The following MED15 variants were observed in gnomAD, a reference collection of about 807,000 sequenced individuals.
MED15 encodes the protein mediator complex subunit 15.
MED15 carries 41 observed loss-of-function variants against 118.7 expected under a neutral mutation model. That is an observed-to-expected ratio of 0.35 (90% confidence interval 0.27 to 0.45). MED15 has a LOEUF of 0.45. Ranked by LOEUF, MED15 falls within the 20% of genes least tolerant of loss-of-function variation. The pLI is 1.00. For synonymous variants in MED15, 436 were observed against 413.9 expected (o/e 1.05, Z -0.65); for missense variants, 740 against 1,025.5 (o/e 0.72, Z 3.80).
At chr22:20,559,416 G>A (rs2056142489) in intron 5 of MED15, among the ~76,000 whole-genome samples, 1 of 152,010 alleles carries the variant, frequency 6.6e-6, no homozygotes, top group Admixed American at 6.6e-5. Flanking sequence ...TGAAAGCAAG[G>A]GTAAGAAATG....
chr22:20,553,027 A>G (rs554960827), intron 3 of MED15, 118 bp from the exon 4 acceptor site: 9 of 802,730 alleles, frequency 1.1e-5, no homozygotes, highest in Non-Finnish European at 1.8e-5. Flanking sequence ...GGGGAGTACT[A>G]GGAGCTCCGT....
chr22:20,533,169 C>T (rs748676926), intron 1 of MED15, among the ~76,000 whole-genome samples: 3 of 152,220 alleles, frequency 2.0e-5, no homozygotes, highest in Non-Finnish European at 4.4e-5. Flanking sequence ...CCTGCAGCCT[C>T]CCGCAGCGGG....
intron 5 of MED15, among the ~76,000 whole-genome samples, chr22:20,563,932 G>A (rs2056335108): frequency 6.6e-6 from 1 of 152,164 alleles, no homozygotes; most frequent in Non-Finnish European, 1.5e-5. Flanking sequence ...GTTCATATAA[G>A]CAGTTTTCAT....
intron 5 of MED15, among the ~76,000 whole-genome samples, chr22:20,555,501 A>C (rs932909750): frequency 2.6e-5 from 4 of 152,210 alleles, no homozygotes; most frequent in African/African-American, 7.2e-5. Context: ...CCACAACTCC[A>C]CTGTCTGCCC....
At chr22:20,508,260 A>G in intron 1 of MED15, 1 of 1,294,578 alleles carries the variant, frequency 7.7e-7, no homozygotes, top group Non-Finnish European at 1.0e-6. Flanking sequence ...AGGAATGTGG[A>G]CTTTGCCGAA....
chr22:20,515,617 C>G (rs373135258), intron 1 of MED15, among the ~76,000 whole-genome samples: 5 of 151,886 alleles, frequency 3.3e-5, no homozygotes, highest in Non-Finnish European at 5.9e-5. Flanking sequence ...TGGTGAAACC[C>G]CATTTCTACT....
chr22:20,583,321 C>T lies in MED15; in HGVS notation c.1673-9C>T, dbSNP rs770177849. 6.8e-6 allele frequency: 11 copies of T among 1,613,300 alleles called. No homozygotes were observed. In the East Asian group the frequency reaches 2.0e-4, roughly 29 times the overall value. ...CTTGTGTCTTAGTGTGTACCCTCTT[C>T]TGTCCCAGACAGAAAAAAGGACCTG... On this transcript the variant is annotated splice_polypyrimidine_tract_variant and intron_variant, in intron 12 of 17. Coordinates refer to ENST00000263205, the MANE Select transcript of MED15 (RefSeq NM_001003891.3).
intron 14 of MED15, 77 bp from the exon 15 acceptor site, chr22:20,584,778 G>A (rs2057084820): frequency 1.9e-6 from 3 of 1,545,888 alleles, no homozygotes; most frequent in East Asian, 4.5e-5. Flanking sequence ...GAGTGACCAT[G>A]GGCCTGGGGT....
chr22:20,540,103 G>T (rs954754605), intron 2 of MED15, among the ~76,000 whole-genome samples: 3 of 152,036 alleles, frequency 2.0e-5, no homozygotes, highest in Non-Finnish European at 4.4e-5. Context: ...GATGCAGGGG[G>T]TGTTAGTGAT....
In MED15 at chr22:20,537,165, G is replaced by A. The variant is rs1569192220; in HGVS notation, c.117G>A (p.Lys39=). The A allele has an allele frequency of 1.6e-5, 26 of 1,614,000 alleles. No homozygotes were observed. Among genetic ancestry groups the A allele is most frequent in the Non-Finnish European group, 2.0e-5 (24 of 1,179,906 alleles). Residue 39 remains lysine, a synonymous_variant, in exon 2 of 18, where the codon AAG becomes AAA. Coordinates refer to ENST00000263205, the MANE Select transcript of MED15 (RefSeq NM_001003891.3). Reference sequence around the variant, plus strand: ...GTGTGGCACACAGTAAATCCAGCAAGGATATGGAGAGCCATGTTTTCCTGA... The same window carrying A: ...GTGTGGCACACAGTAAATCCAGCAAAGATATGGAGAGCCATGTTTTCCTGA... ...KAGVAHSKSS[K]DMESHVFLKA... is the part of the protein sequence containing the mutation.
chr22:20,582,643 G>GCCGTCA lies in MED15; in HGVS notation c.1309_1314dup (p.Ser437_Pro438dup), dbSNP rs1569250465. 1.3e-6 allele frequency: 2 copies of GCCGTCA among 1,580,982 alleles called. No homozygotes were observed. The highest frequency in any genetic ancestry group is 1.3e-5 in the African/African-American group (1 of 74,430). ...AGAGCAGCCTCCCCATGCTGTCCTC[G>GCCGTCA]CCGTCACCGGGCCAGCAGGTGCAGA... is the stretch of plus-strand genomic sequence containing the variant. On this transcript the variant is annotated inframe_insertion, in exon 10 of 18. Transcript: ENST00000263205.
intron 4 of MED15, among the ~76,000 whole-genome samples, chr22:20,553,909 C>T (rs1263510672): frequency 5.3e-5 from 8 of 152,186 alleles, no homozygotes; most frequent in Non-Finnish European, 1.5e-5. Context: ...TAAATTTCAG[C>T]GTTTATCACA....
chr22:20,569,945 A>G (rs2056585630), intron 8 of MED15, among the ~76,000 whole-genome samples: 1 of 152,218 alleles, frequency 6.6e-6, no homozygotes, highest in Admixed American at 6.5e-5. Context: ...GTGGTGGCAC[A>G]TAGTGACTGC....
intron 9 of MED15, 117 bp downstream of exon 9, chr22:20,575,349 A>T: frequency 7.7e-7 from 1 of 1,306,208 alleles, no homozygotes; most frequent in Non-Finnish European, 1.0e-6. Flanking sequence ...TGGCTTTCAG[A>T]GTGCCAAACC....
chr22:20,570,738 CTTTCTTTCTTTTTTTTTTT>C (rs2056623444), intron 8 of MED15, among the ~76,000 whole-genome samples: 2 of 90,988 alleles, frequency 2.2e-5, no homozygotes, highest in Non-Finnish European at 4.2e-5. Flanking sequence ...TTCTTTCTTT[CTTTCTTTCTTTTTTTTTTT>C]TTTTTTTTTT....
At position 20,513,250 on chromosome 22, in the gene MED15, C is replaced by A. The variant is rs116716408; in HGVS notation, c.68+5504C>A. On this transcript the variant is annotated intron_variant, in intron 1 of 17. Coordinates refer to ENST00000263205, the MANE Select transcript of MED15 (RefSeq NM_001003891.3). ...AGCTCTGGAGCCCCTGCTTTCTCCA[C>A]TTGTTACACTTGTTAGCCTTTCTTT... Among the ~76,000 whole-genome samples, 645 of 150,670 alleles carry A rather than the reference C, an allele frequency of 4.3e-3. 7 individuals are homozygous for A. The highest frequency in any genetic ancestry group is 0.015 in the African/African-American group (615 of 41,210).
At chr22:20,514,325 A>G (rs1209829874) in intron 1 of MED15, among the ~76,000 whole-genome samples, 1 of 152,224 alleles carries the variant, frequency 6.6e-6, no homozygotes, top group Non-Finnish European at 1.5e-5. Flanking sequence ...TCAGAGAACA[A>G]GAGTGCATCT....
intron 5 of MED15, among the ~76,000 whole-genome samples, chr22:20,559,861 T>G (rs2056166140): frequency 6.6e-6 from 1 of 152,268 alleles, no homozygotes; most frequent in South Asian, 2.1e-4. Flanking sequence ...ATATATTCTT[T>G]TGTTTATCCT....
At chr22:20,529,165 G>A (rs574281730) in intron 1 of MED15, among the ~76,000 whole-genome samples, 1 of 152,102 alleles carries the variant, frequency 6.6e-6, no homozygotes, top group African/African-American at 2.4e-5. Flanking sequence ...TTTTTTTTCT[G>A]TGGTTTTAGT....
Sources: allele counts gnomAD v4.1 joint callset (sites outside exome capture counted in the v4.1 genomes callset), GRCh38; gene constraint gnomAD v4.1.1; transcripts MANE v1.5; gene names NCBI Gene and HGNC (gene_info 2026-07-23, HGNC 2026-07-21).